TMLHE: variants seen among roughly 807,000 people sequenced by gnomAD.
TMLHE encodes trimethyllysine hydroxylase, epsilon.
Under a neutral mutation model 25.7 loss-of-function variants are expected in TMLHE, and 18 were observed. The observed-to-expected ratio is 0.70, with a 90% CI of 0.48 to 1.04. The LOEUF is 1.04. TMLHE is among the 50% of genes least tolerant of loss of function. The pLI, the probability that TMLHE is intolerant of heterozygous loss-of-function variation, is 0.00. For synonymous variants in TMLHE, 105 were observed against 97.0 expected, an observed-to-expected ratio of 1.08 and a Z score of -0.49; for missense variants, 236 against 259.0, an observed-to-expected ratio of 0.91 and a Z score of 0.61.
intron 1 of TMLHE, among the ~76,000 whole-genome samples, chrX:155,581,011 G>T (rs1003719718): frequency 1.8e-5 from 2 of 111,831 alleles, no homozygotes; most frequent in Non-Finnish European, 3.8e-5. Flanking sequence ...ATGCAAGGCT[G>T]GTTCGACATA....
intron 1 of TMLHE, among the ~76,000 whole-genome samples, chrX:155,581,339 G>T (rs1239744765): frequency 9.0e-6 from 1 of 111,578 alleles, no homozygotes; most frequent in African/African-American, 3.3e-5. Context: ...TCAGGCAGGA[G>T]AAAGAAATAA....
At chrX:155,586,871 T>C (rs2067668120) in intron 1 of TMLHE, among the ~76,000 whole-genome samples, 1 of 111,824 alleles carries the variant, frequency 8.9e-6, no homozygotes, top group Admixed American at 9.5e-5. Flanking sequence ...GAACCAGTAA[T>C]AAACAGTCTC....
chrX:155,588,882 G>A (rs1189265383), intron 1 of TMLHE, among the ~76,000 whole-genome samples: 1 of 111,416 alleles, frequency 9.0e-6, no homozygotes, highest in Non-Finnish European at 1.9e-5. Context: ...ATCTGCTGGT[G>A]GAATGTAAAT....
chrX:155,558,208 T>C (rs2067471670), intron 1 of TMLHE, among the ~76,000 whole-genome samples: 1 of 111,863 alleles, frequency 8.9e-6, no homozygotes, highest in African/African-American at 3.2e-5. Flanking sequence ...TGTTCTTTCA[T>C]ATTTGAAGAA....
intron 2 of TMLHE, among the ~76,000 whole-genome samples, chrX:155,541,736 A>T (rs1017925343): frequency 9.0e-6 from 1 of 111,471 alleles, no homozygotes; most frequent in Non-Finnish European, 1.9e-5. Context: ...ATGATTGCCA[A>T]TCTAACTGAT....
chrX:155,514,477 T>C (rs1403134048), intron 3 of TMLHE, among the ~76,000 whole-genome samples: 1 of 111,068 alleles, frequency 9.0e-6, no homozygotes, highest in African/African-American at 3.3e-5. Context: ...AATGAACAAA[T>C]AAATCTTCCC....
intron 1 of TMLHE, among the ~76,000 whole-genome samples, chrX:155,580,828 C>T (rs983246324): frequency 2.7e-5 from 3 of 111,624 alleles, no homozygotes; most frequent in Non-Finnish European, 3.8e-5. Flanking sequence ...TTTTATGAGG[C>T]AAGCATCATC....
At chrX:155,592,322 A>T (rs1382301652) in intron 1 of TMLHE, among the ~76,000 whole-genome samples, 1 of 112,133 alleles carries the variant, frequency 8.9e-6, no homozygotes, top group East Asian at 2.8e-4. Flanking sequence ...ATGTCAAAAT[A>T]GGAGATTCCA....
intron 1 of TMLHE, among the ~76,000 whole-genome samples, chrX:155,547,327 G>C (rs1021357888): frequency 6.6e-5 from 7 of 105,581 alleles, no homozygotes; most frequent in Non-Finnish European, 1.4e-4. Flanking sequence ...TGTATTTTTA[G>C]TAGAGACGGG....
chrX:155,548,075 C>G (rs2067366708), intron 1 of TMLHE, among the ~76,000 whole-genome samples: 1 of 111,541 alleles, frequency 9.0e-6, no homozygotes, highest in Non-Finnish European at 1.9e-5. Flanking sequence ...CTACCTCTTG[C>G]CATATACAAA....
At chrX:155,577,633 C>T (rs2067599420) in intron 1 of TMLHE, among the ~76,000 whole-genome samples, 1 of 111,096 alleles carries the variant, frequency 9.0e-6, no homozygotes, top group African/African-American at 3.3e-5. Flanking sequence ...GATACCATCT[C>T]ACACCAGTCA....
intron 1 of TMLHE, among the ~76,000 whole-genome samples, chrX:155,547,716 TA>T (rs200315899): frequency 0.064 from 6,411 of 100,768 alleles, 209 homozygotes; most frequent in Non-Finnish European, 0.088. Context: ...AAACTGATTG[TA>T]AAAAAAAAAA....
At chrX:155,541,484 T>G (rs1224459450) in intron 2 of TMLHE, among the ~76,000 whole-genome samples, 4 of 111,780 alleles carry the variant, frequency 3.6e-5, no homozygotes, top group African/African-American at 9.7e-5. Context: ...TTTGTTATTG[T>G]GAACAGTGCT....
At chrX:155,514,361 T>A in intron 3 of TMLHE, 96 bp from the exon 4 acceptor site, 4 of 931,243 alleles carry the variant, frequency 4.3e-6, no homozygotes, top group Non-Finnish European at 2.9e-6. Context: ...TTCCTAGCAA[T>A]CAGTTATCCA....
intron 1 of TMLHE, among the ~76,000 whole-genome samples, chrX:155,549,869 T>C (rs1003454440): frequency 5.7e-4 from 62 of 109,706 alleles, no homozygotes; most frequent in Non-Finnish European, 8.7e-4. Context: ...ATGCTATCCC[T>C]CCCCTAGCCC....
intron 1 of TMLHE, among the ~76,000 whole-genome samples, chrX:155,588,256 A>G (rs2067676106): frequency 8.9e-6 from 1 of 112,200 alleles, no homozygotes; most frequent in Non-Finnish European, 1.9e-5. Flanking sequence ...TGGTGAAAGG[A>G]AACCCTCTTC....
At chrX:155,529,045 C>T (rs1462292867) in intron 2 of TMLHE, among the ~76,000 whole-genome samples, 5 of 112,270 alleles carry the variant, frequency 4.5e-5, no homozygotes, top group Non-Finnish European at 9.4e-5. Flanking sequence ...TTTTTAAAAA[C>T]TGCTATACCT....
In TMLHE at chrX:155,506,123, G is replaced by T. The variant is rs181368879; in HGVS notation, c.995+775C>A. On this transcript the variant is annotated intron_variant, in intron 6 of 7. Transcript: ENST00000334398. ...TAGTCTTTCTCTGAAAGACACTGGGGAGGTTTAGAAGGATCTTAACATGGG... is the reference window on the plus strand; with the variant it reads ...TAGTCTTTCTCTGAAAGACACTGGGTAGGTTTAGAAGGATCTTAACATGGG... Among the ~76,000 whole-genome samples, 18 of 111,059 alleles carry T rather than the reference G, an allele frequency of 1.6e-4. No homozygotes were observed. In the Admixed American group the frequency reaches 1.6e-3, roughly 10 times the overall value.
intron 1 of TMLHE, among the ~76,000 whole-genome samples, chrX:155,550,049 T>C (rs2067404138): frequency 1.8e-5 from 2 of 110,742 alleles, no homozygotes; most frequent in South Asian, 7.6e-4. Flanking sequence ...GCAAAGGACA[T>C]GAACTCATCC....
Sources: gnomAD v4.1 joint callset for allele counts (sites outside exome capture counted in the v4.1 genomes callset) on GRCh38, gnomAD v4.1.1 for gene constraint, MANE v1.5 for transcripts, NCBI Gene and HGNC (gene_info 2026-07-23, HGNC 2026-07-21) for gene names.